Variants in GALK2 observed in about 807,000 individuals in gnomAD.
The protein encoded by GALK2 is N-acetylgalactosamine kinase.
GALK2 carries 36 observed loss-of-function variants against 52.4 expected under a neutral mutation model. The ratio of observed to expected loss-of-function variants is 0.69; its 90% CI spans 0.53 to 0.91. The LOEUF (loss-of-function observed/expected upper bound fraction) is 0.91. Ranked by LOEUF, GALK2 falls within the 40% of genes least tolerant of loss-of-function variation. The probability of loss-of-function intolerance (pLI) is 0.00; values close to 1 mark genes in which losing one functional copy is unlikely to be tolerated. For missense variants in GALK2, 579 were observed against 559.1 expected (o/e 1.04, Z -0.36); for synonymous variants, 176 against 199.1 (o/e 0.88, Z 0.98).
chr15:49,342,349 C>G (rs900989051), intron 3 of GALK2, among the ~76,000 whole-genome samples: 1 of 152,004 alleles, frequency 6.6e-6, no homozygotes, highest in Non-Finnish European at 1.5e-5. Flanking sequence ...AATAGTGACT[C>G]CTGCTCTTTT....
upstream of GALK2, among the ~76,000 whole-genome samples, chr15:49,166,202 G>T (rs1373287019): frequency 6.6e-6 from 1 of 152,180 alleles, no homozygotes; most frequent in Non-Finnish European, 1.5e-5. Context: ...TTAGAGTACT[G>T]ATGTGATGCT....
Position 49,331,848 on chromosome 15 carries a change from G to T in GALK2, c.*3689G>T. On this transcript the variant is annotated 3_prime_UTR_variant, in exon 10 of 10. Coordinates refer to ENST00000560031, the MANE Select transcript of GALK2 (RefSeq NM_002044.4). ...GGTTTCTTGGTAGCCTTTGCTTGGAGTCTAATCATGGAATAAAGAAAATCA... is the reference window on the plus strand; with the variant it reads ...GGTTTCTTGGTAGCCTTTGCTTGGATTCTAATCATGGAATAAAGAAAATCA... The T allele has an allele frequency of 6.3e-7, 1 of 1,599,054 alleles. No individual in the cohort carries two copies. The highest frequency in any genetic ancestry group is 8.6e-7 in the Non-Finnish European group (1 of 1,166,430).
chr15:49,277,763 T>C (rs1324950915), intron 5 of GALK2, among the ~76,000 whole-genome samples: 1 of 151,236 alleles, frequency 6.6e-6, no homozygotes, highest in Non-Finnish European at 1.5e-5. Flanking sequence ...GCCACTGCAC[T>C]CCAGCCTGCG....
At chr15:49,259,869 T>G (rs1227305360) in intron 5 of GALK2, among the ~76,000 whole-genome samples, 1 of 151,980 alleles carries the variant, frequency 6.6e-6, no homozygotes, top group East Asian at 1.9e-4. Flanking sequence ...CTGAGAATGA[T>G]GATTTCCAGT....
chr15:49,335,554 G>A (rs1368975367), downstream of GALK2: 1 of 1,328,608 alleles, frequency 7.5e-7, no homozygotes, highest in Non-Finnish European at 1.1e-6. Flanking sequence ...GAAGTAAACA[G>A]TACCCTTCAC....
intron 3 of GALK2, among the ~76,000 whole-genome samples, chr15:49,349,648 C>CAG (rs1261565520): frequency 1.1e-4 from 17 of 152,032 alleles, no homozygotes; most frequent in African/African-American, 4.1e-4. Context: ...GGGAATTGAG[C>CAG]AGAGATTCAC....
intron 3 of GALK2, among the ~76,000 whole-genome samples, chr15:49,224,977 T>G (rs76076489): frequency 0.063 from 9,630 of 152,282 alleles, 437 homozygotes; most frequent in Non-Finnish European, 0.09. Context: ...GCAGATTATT[T>G]TTGGTGTTTT....
chr15:49,188,215 A>T (rs1311379423), intron 1 of GALK2, among the ~76,000 whole-genome samples: 2 of 152,234 alleles, frequency 1.3e-5, no homozygotes, highest in African/African-American at 2.4e-5. Flanking sequence ...TTACAGCCTT[A>T]TAAAGGCTTA....
intron 3 of GALK2, among the ~76,000 whole-genome samples, chr15:49,226,342 A>G (rs1368030947): frequency 6.6e-6 from 1 of 152,154 alleles, no homozygotes; most frequent in Non-Finnish European, 1.5e-5. Flanking sequence ...GAGCCCTAGC[A>G]TTCAGCAACC....
chr15:49,235,763 T>C, intron 3 of GALK2, 88 bp from the exon 4 acceptor site: 1 of 844,246 alleles, frequency 1.2e-6, no homozygotes. Context: ...AGTATCGCTG[T>C]GTTGGCACAA....
At chr15:49,342,291 T>C (rs190523823) in intron 3 of GALK2, among the ~76,000 whole-genome samples, 74 of 152,352 alleles carry the variant, frequency 4.9e-4, no homozygotes, top group Admixed American at 4.4e-3. Context: ...ATACCCTTTG[T>C]CTTTTTTTGA....
At position 49,254,153 on chromosome 15, in the gene GALK2, G is replaced by A; in HGVS notation, c.504+14786G>A. ...CAAGTAATTGGATTGGGTTGAATTA[G>A]TGAACTACCTTCATCTGTAAAGCAG... On this transcript the variant is annotated intron_variant, in intron 5 of 9. Coordinates refer to ENST00000560031, the MANE Select transcript of GALK2 (RefSeq NM_002044.4). Among the ~76,000 whole-genome samples, 2 of 144,162 alleles carry A rather than the reference G, an allele frequency of 1.4e-5. 1 individual carries two copies. Among genetic ancestry groups the A allele is most frequent in the Non-Finnish European group, 3.1e-5 (2 of 64,212 alleles). The allele number at this position is 144,162 out of a possible 152,430, so 94.6% of individuals were successfully genotyped here.
intron 3 of GALK2, among the ~76,000 whole-genome samples, chr15:49,233,509 C>T (rs1380561858): frequency 6.6e-6 from 1 of 152,158 alleles, no homozygotes. Context: ...CTCTTTTTCT[C>T]CTCATACCTG....
At chr15:49,269,476 GA>G in intron 5 of GALK2, among the ~76,000 whole-genome samples, 1 of 152,268 alleles carries the variant, frequency 6.6e-6, no homozygotes, top group East Asian at 1.9e-4. Context: ...ACTGTTTCAT[GA>G]AGTTTTCCTT....
chr15:49,245,935 G>A (rs983734177), intron 5 of GALK2, among the ~76,000 whole-genome samples: 7 of 151,972 alleles, frequency 4.6e-5, no homozygotes, highest in African/African-American at 1.5e-4. Flanking sequence ...TAGTGATACC[G>A]GTATGTCTTC....
chr15:49,239,389 C>A (rs757610812), intron 5 of GALK2, 22 bp downstream of exon 5: 2 of 1,605,964 alleles, frequency 1.2e-6, no homozygotes, highest in African/African-American at 2.7e-5. Context: ...TGATAGGAAA[C>A]CTCATAGAAC....
At chr15:49,170,397 G>C in intron 1 of GALK2, 22 bp downstream of exon 1, 1 of 1,574,682 alleles carries the variant, frequency 6.4e-7, no homozygotes, top group Non-Finnish European at 8.6e-7. Flanking sequence ...GAGACGCCGG[G>C]CTTTGGGATC....
At chr15:49,348,441 A>G (rs1468274562) in intron 3 of GALK2, among the ~76,000 whole-genome samples, 1 of 152,162 alleles carries the variant, frequency 6.6e-6, no homozygotes, top group Non-Finnish European at 1.5e-5. Context: ...AAAAACAGAA[A>G]ACAGACACAT....
intron 1 of GALK2, among the ~76,000 whole-genome samples, chr15:49,181,056 C>T (rs1165323995): frequency 7.4e-6 from 1 of 135,742 alleles, no homozygotes; most frequent in African/African-American, 2.6e-5. Context: ...TCCTTCCCTC[C>T]CTCCCTCCCT....
Sources: allele counts gnomAD v4.1 joint callset (sites outside exome capture counted in the v4.1 genomes callset), GRCh38; gene constraint gnomAD v4.1.1; transcripts MANE v1.5; gene names NCBI Gene and HGNC (gene_info 2026-07-23, HGNC 2026-07-21).